RHPN1: variants seen among roughly 807,000 people sequenced by gnomAD.
The protein encoded by RHPN1 is rhophilin Rho GTPase binding protein 1.
In RHPN1, 77 loss-of-function variants were observed where a neutral mutation model predicts 74.7. The ratio of observed to expected loss-of-function variants is 1.03; its 90% CI spans 0.86 to 1.25. The LOEUF (loss-of-function observed/expected upper bound fraction) is 1.25. Among genes scored for constraint, RHPN1 ranks in the 50% most tolerant of loss-of-function variants. The pLI, the probability that RHPN1 is intolerant of heterozygous loss-of-function variation, is 0.00. For synonymous variants in RHPN1, 444 were observed against 414.5 expected, an observed-to-expected ratio of 1.07 and a Z score of -0.87; for missense variants, 987 against 932.2, an observed-to-expected ratio of 1.06 and a Z score of -0.77.
chr8:143,376,695 G>A, intron 3 of RHPN1, 42 bp downstream of exon 3: 1 of 1,540,294 alleles, frequency 6.5e-7, no homozygotes, highest in African/African-American at 1.4e-5. Flanking sequence ...GTATGTGTGT[G>A]CACGTGTGCG....
Position 143,378,356 on chromosome 8 carries a change from T to TCCCACCCCCCCC in RHPN1, c.459+13_459+14insACCCCCCCCCCC. 6.6e-7 allele frequency: 1 copy of TCCCACCCCCCCC among 1,525,436 alleles called. No individual in the cohort carries two copies. The highest frequency in any genetic ancestry group is 1.2e-5 in the South Asian group (1 of 83,568). The allele number at this position is 1,525,436 out of a possible 1,614,324, so 94.5% of individuals were successfully genotyped here. A position where few individuals can be genotyped will look rare whatever the true frequency, so the allele number is the denominator to read the frequency against. On this transcript the variant is annotated intron_variant, in intron 5 of 14. Coordinates refer to ENST00000289013, the MANE Select transcript of RHPN1 (RefSeq NM_052924.3). The stretch of plus-strand genomic sequence containing the variant: ...GGAGGCCCTGCGGCAGGTGTGTGGT[T>TCCCACCCCCCCC]CCCCCGCCCACCCACCCTCCTGCAG...
upstream of RHPN1, among the ~76,000 whole-genome samples, chr8:143,366,022 G>A (rs1056773830): frequency 2.7e-5 from 4 of 149,430 alleles, no homozygotes; most frequent in Admixed American, 6.6e-5. Flanking sequence ...AAAAAGGCCA[G>A]TCACAGTGGC....
At chr8:143,377,549 G>C in intron 4 of RHPN1, 94 bp downstream of exon 4, 2 of 870,144 alleles carry the variant, frequency 2.3e-6, no homozygotes, top group African/African-American at 1.7e-5. Flanking sequence ...TGGTTGAACA[G>C]ATAGGGAAAC....
intron 1 of RHPN1, chr8:143,374,378 G>A (rs1025941278): frequency 3.2e-6 from 3 of 948,046 alleles, no homozygotes; most frequent in Admixed American, 6.2e-5. Flanking sequence ...CGACAAGGGC[G>A]GGAAGCAGTC....
chr8:143,379,786 G>T, intron 8 of RHPN1, 43 bp from the exon 9 acceptor site: 1 of 1,572,572 alleles, frequency 6.4e-7, no homozygotes, highest in East Asian at 2.3e-5. Flanking sequence ...GGCACCACCT[G>T]GAGAGTGGGA....
At chr8:143,364,923 T>C (rs555313435), upstream of RHPN1, among the ~76,000 whole-genome samples, 2 of 152,204 alleles carry the variant, frequency 1.3e-5, no homozygotes, top group Non-Finnish European at 2.9e-5. This position sits in a 1 kb window ranked among gnomAD's most constrained non-coding sequence, Gnocchi z 4.5. Context: ...CTGTGGTACC[T>C]GTTACTCCAT....
chr8:143,371,892 T>G (rs942568033), intron 1 of RHPN1, among the ~76,000 whole-genome samples: 1 of 152,216 alleles, frequency 6.6e-6, no homozygotes, highest in Non-Finnish European at 1.5e-5. Flanking sequence ...CCCCTTCCAC[T>G]GGGCTCAACC....
At chr8:143,376,074 G>A (rs189092642) in intron 2 of RHPN1, among the ~76,000 whole-genome samples, 5 of 152,348 alleles carry the variant, frequency 3.3e-5, no homozygotes, top group African/African-American at 7.2e-5. Flanking sequence ...ACACATGTGC[G>A]TGTGAGTGCC....
chr8:143,381,633 C>T lies in RHPN1; in HGVS notation c.1550C>T (p.Thr517Ile). ...RWRLVGPVHLTRGEGGFGLTL... is the reference protein window; with the variant it reads ...RWRLVGPVHLIRGEGGFGLTL... Reference sequence around the variant, plus strand: ...CGGCTGGTGGGGCCCGTCCACCTGACCCGAGGAGAGGGCGGCTTTGGCCTC... The same window carrying T: ...CGGCTGGTGGGGCCCGTCCACCTGATCCGAGGAGAGGGCGGCTTTGGCCTC... The change falls in exon 13 of 15, where the codon ACC becomes ATC. Residue 517 changes from threonine (T) to isoleucine (I), a missense_variant. Coordinates refer to ENST00000289013, the MANE Select transcript of RHPN1 (RefSeq NM_052924.3). 3 of 1,610,920 alleles carry T rather than the reference C, an allele frequency of 1.9e-6. No homozygotes were observed. Among genetic ancestry groups the T allele is most frequent in the South Asian group, 1.1e-5 (1 of 90,972 alleles).
upstream of RHPN1, among the ~76,000 whole-genome samples, chr8:143,364,452 G>A (rs1013344212): frequency 6.6e-6 from 1 of 152,152 alleles, no homozygotes; most frequent in Non-Finnish European, 1.5e-5. The surrounding 1 kb of genome is among the most constrained non-coding windows in gnomAD (Gnocchi z 4.5). Flanking sequence ...AGGTCCCAGA[G>A]CAGGCTGGGT....
At chr8:143,378,479 G>C in intron 5 of RHPN1, 133 bp downstream of exon 5, 2 of 997,106 alleles carry the variant, frequency 2.0e-6, no homozygotes, top group East Asian at 2.6e-5. Flanking sequence ...GGCGCACCAG[G>C]GGCCCTGTGT....
At chr8:143,377,304 C>T in intron 3 of RHPN1, 76 bp from the exon 4 acceptor site, 1 of 1,191,198 alleles carries the variant, frequency 8.4e-7, no homozygotes, top group Non-Finnish European at 1.2e-6. Context: ...GCCACAGAGC[C>T]CTAGGAGTGG....
intron 12 of RHPN1, 97 bp from the exon 13 acceptor site, chr8:143,381,475 G>A: frequency 6.1e-6 from 9 of 1,484,948 alleles, no homozygotes; most frequent in South Asian, 1.3e-5. Flanking sequence ...GAACCCCACG[G>A]TGTCCCTCGG....
intron 11 of RHPN1, 56 bp from the exon 12 acceptor site, chr8:143,381,212 C>A: frequency 1.4e-6 from 2 of 1,478,362 alleles, no homozygotes; most frequent in Non-Finnish European, 1.9e-6. Flanking sequence ...CCTGGAAAAT[C>A]CCCGAGGCAG....
upstream of RHPN1, chr8:143,368,052 G>A (rs890188761): frequency 6.5e-6 from 1 of 153,352 alleles, no homozygotes; most frequent in African/African-American, 2.4e-5. Context: ...TCTGAAAATA[G>A]GTCAGTCCAG....
chr8:143,382,114 A>G, intron 14 of RHPN1, 146 bp downstream of exon 14: 1 of 839,084 alleles, frequency 1.2e-6, no homozygotes, highest in Non-Finnish European at 1.8e-6. Flanking sequence ...GGCAGGGGCC[A>G]CCTGTGCTGT....
chr8:143,382,482 G>A lies in RHPN1; in HGVS notation c.1844G>A (p.Ser615Asn), dbSNP rs1818809964. 2 of 1,599,754 alleles carry A rather than the reference G, an allele frequency of 1.3e-6. No homozygotes were observed. Among genetic ancestry groups the A allele is most frequent in the Middle Eastern group, 1.7e-4 (1 of 5,882 alleles). ...VLLGPRGLLR[S>N]QREHGCKTPA... ...CTGGGCCCCAGGGGGCTTCTAAGGA[G>A]CCAGAGGGAGCATGGTTGCAAGACC... The change falls in exon 15 of 15, where the codon AGC becomes AAC. Residue 615 changes from serine to asparagine, a missense_variant. Ser to Asn is a conservative substitution (Grantham distance 46, BLOSUM62 1). Transcript: ENST00000289013.
intron 1 of RHPN1, 138 bp from the exon 2 acceptor site, chr8:143,375,415 G>A (rs1337523109): frequency 1.0e-5 from 6 of 593,134 alleles, no homozygotes; most frequent in South Asian, 2.3e-5. Flanking sequence ...CCCTCCCTGT[G>A]AGGCCAGCTC....
chr8:143,378,761 G>A lies in RHPN1; in HGVS notation c.525G>A (p.Leu175=), dbSNP rs373048319. 8.2e-6 allele frequency: 13 copies of A among 1,582,188 alleles called. No individual in the cohort carries two copies. Among genetic ancestry groups the A allele is most frequent in the African/African-American group, 1.3e-5 (1 of 74,262 alleles). The change falls in exon 6 of 15, where the codon CTG becomes CTA. Residue 175 remains leucine, a synonymous_variant. Transcript: ENST00000289013. The part of the protein sequence containing the change: ...LELLTAYYNQ[L]CFLDARFLTP... The stretch of plus-strand genomic sequence containing the variant: ...TGCTCACAGCCTATTACAACCAGCT[G>A]TGCTTCCTGGATGCGCGCTTCCTCA...
Sources: gnomAD v4.1 joint callset for allele counts (sites outside exome capture counted in the v4.1 genomes callset) on GRCh38, gnomAD v4.1.1 for gene constraint, Gnocchi (gnomAD v3.1) non-coding constraint, MANE v1.5 for transcripts, NCBI Gene and HGNC (gene_info 2026-07-23, HGNC 2026-07-21) for gene names.